Variants in MED13L observed in about 807,000 individuals in gnomAD.
MED13L encodes the protein mediator of RNA polymerase II transcription subunit 13-like.
A neutral mutation model predicts 220.9 loss-of-function variants in MED13L; 7 were observed. The observed-to-expected ratio is 0.03, with a 90% confidence interval of 0.02 to 0.06. The LOEUF (loss-of-function observed/expected upper bound fraction) is 0.06. MED13L is among the 10% of genes least tolerant of loss of function. The pLI is 1.00. For missense variants in MED13L, 1,965 were observed against 2,760.5 expected, an observed-to-expected ratio of 0.71 and a Z score of 6.46; for synonymous variants, 1,011 against 1,015.2, an observed-to-expected ratio of 1.00 and a Z score of 0.08.
At chr12:116,080,182 T>C (rs1283281163) in intron 4 of MED13L, among the ~76,000 whole-genome samples, 1 of 152,160 alleles carries the variant, frequency 6.6e-6, no homozygotes. Context: ...CATGATCAAT[T>C]AGTCAACAAG....
intron 4 of MED13L, among the ~76,000 whole-genome samples, chr12:116,031,617 AGGAGG>A (rs1390799934): frequency 1.8e-4 from 11 of 60,354 alleles, no homozygotes; most frequent in Admixed American, 2.6e-4. Context: ...AGAGAAGAGA[AGGAGG>A]GGAGGGGAGG....
chr12:116,117,732 A>G (rs1418262847), intron 2 of MED13L, among the ~76,000 whole-genome samples: 1 of 152,188 alleles, frequency 6.6e-6, no homozygotes, highest in Non-Finnish European at 1.5e-5. Context: ...CTAGAGCCCA[A>G]TGTACCAGTT....
In MED13L at chr12:115,960,966, GA is replaced by G; in HGVS notation, c.*299del. The G allele has an allele frequency of 2.4e-6, 1 of 425,198 alleles. No homozygotes were observed. The highest frequency in any genetic ancestry group is 4.4e-6 in the Non-Finnish European group (1 of 225,742). The allele number at this position is 425,198 out of a possible 1,614,324, so 26.3% of individuals were successfully genotyped here. Reference sequence around the variant, plus strand: ...GACACTGTCTCTTCTGTTTCCCGCTGAAAAGCCATCAACCACCACCACTTCC... The same window carrying G: ...GACACTGTCTCTTCTGTTTCCCGCTGAAAGCCATCAACCACCACCACTTCC... On this transcript the variant is annotated 3_prime_UTR_variant, in exon 31 of 31. Transcript: ENST00000281928.
chr12:116,230,701 CAAG>C (rs1869473750), intron 2 of MED13L, among the ~76,000 whole-genome samples: 1 of 152,134 alleles, frequency 6.6e-6, no homozygotes, highest in Non-Finnish European at 1.5e-5. Context: ...TTCAAAATGA[CAAG>C]AGATAATCTT....
chr12:116,055,800 C>G (rs555866948), intron 4 of MED13L, among the ~76,000 whole-genome samples: 1 of 151,986 alleles, frequency 6.6e-6, no homozygotes, highest in South Asian at 2.1e-4. Flanking sequence ...AGGCTGGAGG[C>G]ACGAGAATCG....
At chr12:116,135,643 A>G (rs943776891) in intron 2 of MED13L, among the ~76,000 whole-genome samples, 3 of 152,172 alleles carry the variant, frequency 2.0e-5, no homozygotes, top group Non-Finnish European at 4.4e-5. Flanking sequence ...AGATCACACT[A>G]TAATATAAGG....
chr12:116,068,190 T>A (rs1199277056), intron 4 of MED13L, among the ~76,000 whole-genome samples: 1 of 152,136 alleles, frequency 6.6e-6, no homozygotes, highest in East Asian at 1.9e-4. Flanking sequence ...CACTGGAAAG[T>A]TCTATGTGCC....
chr12:116,213,488 T>C (rs1410658397), intron 2 of MED13L, among the ~76,000 whole-genome samples: 1 of 152,224 alleles, frequency 6.6e-6, no homozygotes, highest in East Asian at 1.9e-4. Context: ...CTCAGCTCAC[T>C]GCAACCTCTG....
intron 2 of MED13L, chr12:116,231,974 A>T (rs1353462797): frequency 1.9e-6 from 1 of 524,336 alleles, no homozygotes; most frequent in Non-Finnish European, 2.4e-6. Context: ...AAAACTAAAA[A>T]AATCCAGCCT....
At chr12:116,102,433 A>G (rs974475624) in intron 3 of MED13L, among the ~76,000 whole-genome samples, 1 of 152,182 alleles carries the variant, frequency 6.6e-6, no homozygotes, top group African/African-American at 2.4e-5. Flanking sequence ...TTTCCCTACC[A>G]TAATCTCAAC....
At chr12:116,118,707 C>A (rs1000450682) in intron 2 of MED13L, among the ~76,000 whole-genome samples, 1 of 152,110 alleles carries the variant, frequency 6.6e-6, no homozygotes, top group Non-Finnish European at 1.5e-5. Context: ...TAAGTTAAAT[C>A]TGCAAAGACA....
chr12:116,120,465 TCTCTCTCTCTCTCACA>T (rs1167481185), intron 2 of MED13L, among the ~76,000 whole-genome samples: 22 of 137,702 alleles, frequency 1.6e-4, no homozygotes, highest in South Asian at 4.8e-4. Flanking sequence ...TCTCTCTCTC[TCTCTCTCTCTCTCACA>T]CACACACACA....
intron 8 of MED13L, 23 bp from the exon 9 acceptor site, chr12:116,012,924 T>C (rs771701499): frequency 7.1e-6 from 11 of 1,547,424 alleles, no homozygotes; most frequent in Non-Finnish European, 9.8e-6. Flanking sequence ...AAAATGTGAC[T>C]TATGTGTGAA....
rs746468694 is a variant in MED13L, at chr12:115,996,572, G to A, written c.2900C>T (p.Pro967Leu). ...PSHCLLPLKI[P>L]DACLFRPSWA... ...TGAAGGCCGAAACAGACAGGCATCAGGTATCTTCAGAGGTAGCAAACAATG... is the reference window on the plus strand; with the variant it reads ...TGAAGGCCGAAACAGACAGGCATCAAGTATCTTCAGAGGTAGCAAACAATG... Residue 967 changes from proline to leucine, a missense_variant, in exon 16 of 31, where the codon CCT becomes CTT. Pro to Leu is a moderately conservative substitution (Grantham distance 98). Around this residue, in one of 10 missense-constraint regions of MED13L, gnomAD observed 233 missense variants for 306.2 expected, o/e 0.76. Coordinates refer to ENST00000281928, the MANE Select transcript of MED13L (RefSeq NM_015335.5). 6.2e-7 allele frequency: 1 copy of A among 1,614,110 alleles called. No homozygotes were observed. The highest frequency in any genetic ancestry group is 2.2e-5 in the East Asian group (1 of 44,878).
intron 8 of MED13L, among the ~76,000 whole-genome samples, chr12:116,014,786 A>C (rs937709857): frequency 6.6e-6 from 1 of 152,134 alleles, no homozygotes; most frequent in Non-Finnish European, 1.5e-5. Flanking sequence ...TGCAAGGAAA[A>C]ACCAAACCCA....
At chr12:116,241,251 G>A (rs569832063) in intron 1 of MED13L, among the ~76,000 whole-genome samples, 21 of 150,792 alleles carry the variant, frequency 1.4e-4, no homozygotes, top group African/African-American at 4.9e-4. Context: ...GTTGTAGTGA[G>A]CCGAAATTGA....
intron 2 of MED13L, among the ~76,000 whole-genome samples, chr12:116,153,271 G>C (rs1878192591): frequency 6.6e-6 from 1 of 152,160 alleles, no homozygotes; most frequent in Non-Finnish European, 1.5e-5. Context: ...TGTTTAACTG[G>C]AAGAAAAGAT....
At chr12:116,096,319 T>A (rs1872628022) in intron 4 of MED13L, among the ~76,000 whole-genome samples, 1 of 115,226 alleles carries the variant, frequency 8.7e-6, no homozygotes, top group Admixed American at 1.3e-4. Context: ...GGCACCACTG[T>A]ACTCCAGCCT....
At chr12:116,145,496 T>C (rs1181492602) in intron 2 of MED13L, among the ~76,000 whole-genome samples, 1 of 151,978 alleles carries the variant, frequency 6.6e-6, no homozygotes, top group Non-Finnish European at 1.5e-5. Flanking sequence ...TTCAAGCGCT[T>C]TTTTTTCTTT....
Sources: gnomAD v4.1 joint callset for allele counts (sites outside exome capture counted in the v4.1 genomes callset) on GRCh38, gnomAD v4.1.1 for gene constraint, gnomAD v4.1.1 regional missense constraint, MANE v1.5 for transcripts, NCBI Gene and HGNC (gene_info 2026-07-23, HGNC 2026-07-21) for gene names.